Variants in ZNF442 observed in about 807,000 individuals in gnomAD.
ZNF442 encodes zinc finger protein 442.
A neutral mutation model predicts 57.0 loss-of-function variants in ZNF442; 45 were observed. The observed-to-expected ratio is 0.79, with a 90% CI of 0.62 to 1.01. The LOEUF (loss-of-function observed/expected upper bound fraction) is 1.01, where lower values mean the gene tolerates loss of function less well. Ranked by LOEUF, ZNF442 falls within the 50% of genes least tolerant of loss-of-function variation. The pLI, the probability that ZNF442 is intolerant of heterozygous loss-of-function variation, is 0.00. For synonymous variants in ZNF442, 213 were observed against 241.8 expected, an observed-to-expected ratio of 0.88 and a Z score of 1.10; for missense variants, 690 against 756.5, an observed-to-expected ratio of 0.91 and a Z score of 1.03.
intron 3 of ZNF442, among the ~76,000 whole-genome samples, chr19:12,356,847 C>A (rs902219093): frequency 6.6e-6 from 1 of 152,186 alleles, no homozygotes; most frequent in African/African-American, 2.4e-5. Flanking sequence ...CTGATCTACA[C>A]CTGCTATTAG....
At chr19:12,356,636 A>G (rs929998035) in intron 3 of ZNF442, among the ~76,000 whole-genome samples, 3 of 151,662 alleles carry the variant, frequency 2.0e-5, no homozygotes, top group African/African-American at 4.9e-5. Flanking sequence ...TCAAAAAAAA[A>G]AGAGAGAGAG....
intron 3 of ZNF442, among the ~76,000 whole-genome samples, chr19:12,363,113 C>T (rs937541255): frequency 1.4e-5 from 2 of 144,136 alleles, no homozygotes; most frequent in African/African-American, 2.6e-5. Context: ...AAGCTGAGAT[C>T]GCACAACTGC....
At chr19:12,369,516 G>T (rs1330354965), upstream of ZNF442, among the ~76,000 whole-genome samples, 1 of 152,130 alleles carries the variant, frequency 6.6e-6, no homozygotes, top group East Asian at 1.9e-4. Context: ...TACTTGGGAG[G>T]CTGAGGCAAG....
At chr19:12,360,664 C>G (rs748409947) in intron 3 of ZNF442, among the ~76,000 whole-genome samples, 8 of 152,228 alleles carry the variant, frequency 5.3e-5, no homozygotes, top group Non-Finnish European at 1.0e-4. Flanking sequence ...GCAACCTACA[C>G]TTTCCAGGTT....
intron 3 of ZNF442, among the ~76,000 whole-genome samples, chr19:12,363,284 C>A (rs569988454): frequency 2.0e-5 from 3 of 151,194 alleles, no homozygotes; most frequent in African/African-American, 7.3e-5. Context: ...GTTAATAAAA[C>A]GTTGAAGCTG....
intron 2 of ZNF442, among the ~76,000 whole-genome samples, chr19:12,364,331 C>T (rs890530595): frequency 6.0e-5 from 9 of 149,334 alleles, no homozygotes; most frequent in East Asian, 2.0e-4. Flanking sequence ...TTCTTGAACC[C>T]GGGAGGCGGA....
Position 12,349,753 on chromosome 19 carries a change from G to T in ZNF442, c.1832C>A (p.Ser611Tyr), listed in dbSNP as rs1050702990. The change falls in exon 6 of 6, where the codon TCT becomes TAT. Residue 611 changes from serine to tyrosine, a missense_variant. By Grantham distance (144) the Ser-to-Tyr change is moderately radical. Transcript: ENST00000242804. The part of the protein sequence containing the change: ...ECKECGKALS[S>Y]LSSLHRHKRT... ...TTTATGTCTATGCAAGGAACTGAGAGAACTCAGTGCCTTCCCACATTCCTT... is the reference window on the plus strand; with the variant it reads ...TTTATGTCTATGCAAGGAACTGAGATAACTCAGTGCCTTCCCACATTCCTT... The T allele has an allele frequency of 1.2e-6, 2 of 1,613,956 alleles. No individual in the cohort carries two copies. Among genetic ancestry groups the T allele is most frequent in the African/African-American group, 2.7e-5 (2 of 75,036 alleles).
chr19:12,365,488 C>G (rs1969517323), intron 1 of ZNF442, 45 bp downstream of exon 1: 3 of 511,102 alleles, frequency 5.9e-6, no homozygotes, highest in Non-Finnish European at 7.1e-6. Context: ...CCGGTTCCAA[C>G]CAGTCCTTCG....
intron 3 of ZNF442, among the ~76,000 whole-genome samples, chr19:12,360,324 A>G (rs1969402306): frequency 6.6e-6 from 1 of 152,170 alleles, no homozygotes; most frequent in African/African-American, 2.4e-5. Flanking sequence ...GAATCACCCC[A>G]ACTGCCCCAG....
At chr19:12,361,868 C>G (rs951798827) in intron 3 of ZNF442, among the ~76,000 whole-genome samples, 9 of 152,244 alleles carry the variant, frequency 5.9e-5, no homozygotes, top group African/African-American at 2.2e-4. Context: ...TGCAGGAGCA[C>G]GCCACCACGC....
Position 12,350,171 on chromosome 19 carries a change from A to G in ZNF442, c.1414T>C (p.Phe472Leu), listed in dbSNP as rs1969196772. Reference protein sequence around the residue: ...KCKCGKAFIDFYSFQNHETTH... With the variant: ...KCKCGKAFIDLYSFQNHETTH... ...GTTTCATGATTTTGAAAGGAATAGA[A>G]ATCAATAAAGGCTTTCCCACATTTA... Residue 472 changes from phenylalanine (F) to leucine (L), a missense_variant, in exon 6 of 6, where the codon TTC (phenylalanine) becomes CTC (leucine). By Grantham distance (22) the Phe-to-Leu change is conservative. Coordinates refer to ENST00000242804, the MANE Select transcript of ZNF442 (RefSeq NM_030824.3). 10 of 1,613,880 alleles carry G rather than the reference A, an allele frequency of 6.2e-6. No individual in the cohort carries two copies. The highest frequency in any genetic ancestry group is 7.6e-6 in the Non-Finnish European group (9 of 1,180,000).
chr19:12,352,764 T>C (rs1969264143), intron 4 of ZNF442, among the ~76,000 whole-genome samples: 1 of 152,218 alleles, frequency 6.6e-6, no homozygotes, highest in Admixed American at 6.5e-5. Context: ...GTTAATTGAT[T>C]GTTTTTGTGA....
chr19:12,362,206 C>G (rs1362820586), intron 3 of ZNF442, among the ~76,000 whole-genome samples: 2 of 152,158 alleles, frequency 1.3e-5, no homozygotes, highest in Non-Finnish European at 2.9e-5. Flanking sequence ...AGGAGCCCCT[C>G]TGCCTGGCCG....
chr19:12,360,980 T>A (rs776626052), intron 3 of ZNF442, among the ~76,000 whole-genome samples: 3 of 152,062 alleles, frequency 2.0e-5, no homozygotes, highest in Non-Finnish European at 4.4e-5. Flanking sequence ...TCATTTGAGG[T>A]TGGGAGTTCA....
At position 12,358,185 on chromosome 19, in the gene ZNF442, G is replaced by A. The variant is rs192039736; in HGVS notation, c.79-5071C>T. Among the ~76,000 whole-genome samples, 480 of 152,062 alleles carry A rather than the reference G, an allele frequency of 3.2e-3. 1 individual carries two copies. The highest frequency in any genetic ancestry group is 4.5e-3 in the Admixed American group (69 of 15,250). On this transcript the variant is annotated intron_variant, in intron 3 of 5. Transcript: ENST00000242804. ...TCACCATCTTGGTCAGGCTGGTCTTGAACTCCTGACCTCATGATCCACCTG... is the reference window on the plus strand; with the variant it reads ...TCACCATCTTGGTCAGGCTGGTCTTAAACTCCTGACCTCATGATCCACCTG...
At chr19:12,363,054 G>A (rs951553214) in intron 3 of ZNF442, among the ~76,000 whole-genome samples, 45 of 151,206 alleles carry the variant, frequency 3.0e-4, no homozygotes, top group Non-Finnish European at 2.9e-5. Flanking sequence ...AGCTACTCGG[G>A]AGGCTGAGAT....
In ZNF442 at chr19:12,364,407, C is replaced by CAAAAAAAAAAA. The variant is rs35227073; in HGVS notation, c.-41+384_-41+394dup. ...GGGCAACAAGAGCACAACTCCATCT[C>CAAAAAAAAAAA]AAAAAAAAAAAAAAGAAAGAAAGAA... On this transcript the variant is annotated intron_variant, in intron 2 of 5. Coordinates refer to ENST00000242804, the MANE Select transcript of ZNF442 (RefSeq NM_030824.3). Among the ~76,000 whole-genome samples, 102 of 93,084 alleles carry CAAAAAAAAAAA rather than the reference C, an allele frequency of 1.1e-3. 2 individuals are homozygous for CAAAAAAAAAAA. The highest frequency in any genetic ancestry group is 3.8e-3 in the African/African-American group (96 of 25,028). 61.1% of individuals were successfully genotyped at this position (93,084 alleles called of 152,430 possible). A position where few individuals can be genotyped will look rare whatever the true frequency, so the allele number is the denominator to read the frequency against.
At position 12,362,653 on chromosome 19, in the gene ZNF442, G is replaced by A. The variant is rs531696795; in HGVS notation, c.78+901C>T. 6.2e-3 allele frequency among the ~76,000 whole-genome samples: 846 copies of A among 136,252 alleles called. 5 individuals are homozygous for A. Among genetic ancestry groups the A allele is most frequent in the African/African-American group, 0.028 (798 of 28,704 alleles). The allele number at this position is 136,252 out of a possible 152,430, so 89.4% of individuals were successfully genotyped here. A position where few individuals can be genotyped will look rare whatever the true frequency, so the allele number is the denominator to read the frequency against. ...AGGTGGGGGGCGCCTCTGCCCGGCCGCCCCGTCTGGGAGGTGGGGGGCCCC... is the reference window on the plus strand; with the variant it reads ...AGGTGGGGGGCGCCTCTGCCCGGCCACCCCGTCTGGGAGGTGGGGGGCCCC... On this transcript the variant is annotated intron_variant, in intron 3 of 5. Transcript: ENST00000242804.
chr19:12,350,881 T>G lies in ZNF442; in HGVS notation c.704A>C (p.Lys235Thr). Residue 235 changes from lysine (K) to threonine (T), a missense_variant, in exon 6 of 6, where the codon AAA (lysine) becomes ACA (threonine). Coordinates refer to ENST00000242804, the MANE Select transcript of ZNF442 (RefSeq NM_030824.3). Reference protein sequence around the residue: ...RMHERTHTGEKPYECKQCCKA... With the variant: ...RMHERTHTGETPYECKQCCKA... ...ACAACACTGCTTACATTCATACGGT[T>G]TCTCTCCAGTGTGAGTTCTTTCATG... 6.2e-7 allele frequency: 1 copy of G among 1,614,152 alleles called. No homozygotes were observed. Among genetic ancestry groups the G allele is most frequent in the South Asian group, 1.1e-5 (1 of 91,086 alleles).
Sources: allele counts gnomAD v4.1 joint callset (sites outside exome capture counted in the v4.1 genomes callset), GRCh38; gene constraint gnomAD v4.1.1; transcripts MANE v1.5; gene names NCBI Gene and HGNC (gene_info 2026-07-23, HGNC 2026-07-21).